Variants in SEMA3A observed in about 807,000 individuals in gnomAD.
The protein encoded by SEMA3A is semaphorin 3A, also known as semaphorin-3A.
Under a neutral mutation model 97.9 loss-of-function variants are expected in SEMA3A, and 29 were observed. The observed-to-expected ratio is 0.30, with a 90% CI of 0.22 to 0.40. SEMA3A has a LOEUF of 0.40. SEMA3A is among the 10% of genes least tolerant of loss of function. The probability of loss-of-function intolerance (pLI) is 1.00; values close to 1 mark genes in which losing one functional copy is unlikely to be tolerated. For missense variants in SEMA3A, 763 were observed against 951.3 expected, an observed-to-expected ratio of 0.80 and a Z score of 2.60; for synonymous variants, 321 against 323.7, an observed-to-expected ratio of 0.99 and a Z score of 0.09.
chr7:84,031,842 A>C (rs1340964474), intron 6 of SEMA3A, among the ~76,000 whole-genome samples: 4 of 152,130 alleles, frequency 2.6e-5, no homozygotes, highest in African/African-American at 9.7e-5. Context: ...ATCTCAAAAA[A>C]TAAAAAATAA....
chr7:84,011,108 T>C lies in SEMA3A; in HGVS notation c.926-17A>G, dbSNP rs1790857100. 6.2e-7 allele frequency: 1 copy of C among 1,607,714 alleles called. No homozygotes were observed. The highest frequency in any genetic ancestry group is 1.3e-5 in the African/African-American group (1 of 74,672). ...ATACATCCTCTGTTTAAAAACAAAA[T>C]TGGAGAAAGTTGCTTTTTTATGGAA... On this transcript the variant is annotated splice_polypyrimidine_tract_variant and intron_variant, in intron 8 of 16. Coordinates refer to ENST00000265362, the MANE Select transcript of SEMA3A (RefSeq NM_006080.3).
intron 1 of SEMA3A, among the ~76,000 whole-genome samples, chr7:84,480,234 T>G (rs1806409268): frequency 1.3e-5 from 2 of 152,188 alleles, no homozygotes; most frequent in Non-Finnish European, 2.9e-5. Flanking sequence ...TTTTAACTTT[T>G]TTCACTCTCG....
At chr7:84,046,013 A>G (rs1283934388) in intron 6 of SEMA3A, among the ~76,000 whole-genome samples, 1 of 151,192 alleles carries the variant, frequency 6.6e-6, no homozygotes, top group Non-Finnish European at 1.5e-5. Context: ...TGGTGTCCCC[A>G]TAAGACAGAA....
At position 84,006,646 on chromosome 7, in the gene SEMA3A, C is replaced by A. The variant is rs2116400353; in HGVS notation, c.1140+707G>T. 1.3e-5 allele frequency among the ~76,000 whole-genome samples: 2 copies of A among 152,270 alleles called. 1 individual carries two copies. Among genetic ancestry groups the A allele is most frequent in the South Asian group, 4.1e-4 (2 of 4,824 alleles). On this transcript the variant is annotated intron_variant, in intron 10 of 16. Coordinates refer to ENST00000265362, the MANE Select transcript of SEMA3A (RefSeq NM_006080.3). ...ATTTATAGAGTACAATATCTCCAAT[C>A]TCTTGCTTTTAGTCTTACACTTAAA...
intron 2 of SEMA3A, among the ~76,000 whole-genome samples, chr7:84,311,343 T>G (rs891364852): frequency 6.6e-6 from 1 of 151,984 alleles, no homozygotes; most frequent in Non-Finnish European, 1.5e-5. Flanking sequence ...TCTATTAGAA[T>G]AAATGTATGT....
intron 5 of SEMA3A, among the ~76,000 whole-genome samples, chr7:84,049,597 G>T (rs1354098180): frequency 1.3e-5 from 2 of 151,872 alleles, no homozygotes; most frequent in African/African-American, 4.8e-5. Flanking sequence ...ACCTCAGTTG[G>T]CTTATTTTGG....
chr7:83,969,787 C>G (rs1438948493), intron 15 of SEMA3A, among the ~76,000 whole-genome samples: 1 of 152,028 alleles, frequency 6.6e-6, no homozygotes, highest in Non-Finnish European at 1.5e-5. Flanking sequence ...ATCATGTCTA[C>G]TCCAAAATCA....
At chr7:83,983,799 A>T (rs1789517926) in intron 13 of SEMA3A, among the ~76,000 whole-genome samples, 1 of 152,170 alleles carries the variant, frequency 6.6e-6, no homozygotes, top group African/African-American at 2.4e-5. Context: ...TGCCCAATTT[A>T]ACATCACCAC....
chr7:84,170,028 T>C (rs1160649168), intron 1 of SEMA3A, among the ~76,000 whole-genome samples: 1 of 151,644 alleles, frequency 6.6e-6, no homozygotes, highest in African/African-American at 2.4e-5. Context: ...ATAAGAAAAA[T>C]GAAAAGAAAG....
chr7:83,997,175 G>A (rs1163611749), intron 12 of SEMA3A, among the ~76,000 whole-genome samples: 1 of 151,984 alleles, frequency 6.6e-6, no homozygotes, highest in Non-Finnish European at 1.5e-5. Flanking sequence ...TAACTGGTTG[G>A]GTAACATTAA....
At chr7:84,191,174 T>C (rs944185540) in intron 1 of SEMA3A, among the ~76,000 whole-genome samples, 1 of 150,418 alleles carries the variant, frequency 6.6e-6, no homozygotes, top group African/African-American at 2.4e-5. Context: ...CATATACATA[T>C]GAGAATTTTT....
At chr7:84,241,085 T>G (rs576402400) in intron 3 of SEMA3A, among the ~76,000 whole-genome samples, 2 of 152,328 alleles carry the variant, frequency 1.3e-5, no homozygotes, top group Admixed American at 6.5e-5. Context: ...GGTGCCTTTA[T>G]AGTAGAATGA....
chr7:84,460,047 C>CA lies in SEMA3A; in HGVS notation c.-246+32412dup, dbSNP rs199577389. On this transcript the variant is annotated intron_variant, in intron 1 of 3. Transcript: ENST00000424555. ...GTCTCAAAACAAGCAAACAAACAAA[C>CA]AAAAAAACCTAATTCTTATTACATG... Among the ~76,000 whole-genome samples, 232 of 152,062 alleles carry CA rather than the reference C, an allele frequency of 1.5e-3. 2 individuals are homozygous for CA. The East Asian group carries it at 0.038, about 25-fold the overall frequency.
chr7:84,056,044 G>A (rs1201877705), intron 5 of SEMA3A, among the ~76,000 whole-genome samples: 1 of 152,014 alleles, frequency 6.6e-6, no homozygotes, highest in East Asian at 1.9e-4. Context: ...ATACCACATG[G>A]GCAGTTTAAC....
chr7:84,394,746 C>A (rs543087499), intron 1 of SEMA3A, among the ~76,000 whole-genome samples: 1 of 152,194 alleles, frequency 6.6e-6, no homozygotes, highest in East Asian at 1.9e-4. Flanking sequence ...ATAGAATTTT[C>A]ATTGCCAGCA....
intron 3 of SEMA3A, among the ~76,000 whole-genome samples, chr7:84,298,848 T>A (rs935194926): frequency 6.6e-6 from 1 of 152,146 alleles, no homozygotes; most frequent in Non-Finnish European, 1.5e-5. Flanking sequence ...ATCCTCAACC[T>A]GGGTGGGCAC....
At chr7:84,067,842 A>T (rs1368137764) in intron 4 of SEMA3A, among the ~76,000 whole-genome samples, 3 of 150,174 alleles carry the variant, frequency 2.0e-5, no homozygotes, top group African/African-American at 7.4e-5. Context: ...AAACTAGTTC[A>T]ACCATTGTGG....
chr7:83,990,926 C>T (rs888598527), intron 12 of SEMA3A, among the ~76,000 whole-genome samples: 8 of 152,054 alleles, frequency 5.3e-5, no homozygotes, highest in Admixed American at 3.3e-4. Flanking sequence ...ACCATTTTCA[C>T]GATATTGATT....
At chr7:84,386,451 G>A (rs189069821) in intron 1 of SEMA3A, among the ~76,000 whole-genome samples, 2 of 152,194 alleles carry the variant, frequency 1.3e-5, no homozygotes, top group African/African-American at 4.8e-5. Context: ...AGGCCTGCAA[G>A]GAGACACATG....
Sources: allele counts gnomAD v4.1 joint callset (sites outside exome capture counted in the v4.1 genomes callset), GRCh38; gene constraint gnomAD v4.1.1; transcripts MANE v1.5; gene names NCBI Gene and HGNC (gene_info 2026-07-23, HGNC 2026-07-21).